The following DOT1L variants were observed in gnomAD, a reference collection of about 807,000 sequenced individuals.
DOT1L encodes DOT1 like histone lysine methyltransferase, also known as histone-lysine N-methyltransferase, H3 lysine-79 specific.
A neutral mutation model predicts 153.3 loss-of-function variants in DOT1L; 33 were observed. That is an observed-to-expected ratio of 0.22 (90% CI 0.16 to 0.29). The LOEUF is 0.29. Ranked by LOEUF, DOT1L falls within the 10% of genes least tolerant of loss-of-function variation. The pLI, the probability that DOT1L is intolerant of heterozygous loss-of-function variation, is 1.00. For missense variants in DOT1L, 1,847 were observed against 2,119.9 expected (o/e 0.87, Z 2.53); for synonymous variants, 1,135 against 965.1 (o/e 1.18, Z -3.26).
chr19:2,216,527 G>A lies in DOT1L; in HGVS notation c.2170G>A (p.Gly724Ser), dbSNP rs201821767. 73 of 1,611,950 alleles carry A rather than the reference G, an allele frequency of 4.5e-5. No homozygotes were observed. In the African/African-American group the frequency reaches 7.9e-4, roughly 17 times the overall value. Residue 724 changes from glycine to serine, a missense_variant, in exon 20 of 28, where the codon GGT becomes AGT. By Grantham distance (56) the Gly-to-Ser change is moderately conservative. Around this residue, in one of 8 missense-constraint regions of DOT1L, gnomAD observed 281 missense variants for 263.6 expected, o/e 1.07. Transcript: ENST00000398665. Reference protein sequence around the residue: ...NGQAAGYELCGVLSRPSSKQN... With the variant: ...NGQAAGYELCSVLSRPSSKQN... The stretch of plus-strand genomic sequence containing the variant: ...CCAGGCTGCTGGCTATGAGCTCTGC[G>A]GTGTGCTGAGCCGGCCTTCGTCGAA...
chr19:2,229,753 C>G (rs771350200), intron 27 of DOT1L, 32 bp from the exon 28 acceptor site: 1 of 1,612,850 alleles, frequency 6.2e-7, no homozygotes, highest in Non-Finnish European at 8.5e-7. Flanking sequence ...ATGGTAACCT[C>G]AGGCCGCTCT....
At chr19:2,210,891 C>T (rs1425091030) in intron 14 of DOT1L, 36 bp downstream of exon 14, 15 of 1,602,324 alleles carry the variant, frequency 9.4e-6, no homozygotes, top group East Asian at 4.5e-5. Context: ...CCGCTCTCCC[C>T]GAGTGCGGAT....
chr19:2,225,314 T>C (rs1267922268), intron 25 of DOT1L, 74 bp from the exon 26 acceptor site: 1 of 1,460,352 alleles, frequency 6.8e-7, no homozygotes, highest in Non-Finnish European at 9.6e-7. Context: ...CCCTGGGCTG[T>C]TGGCTGTCAG....
rs1277915907 is a variant in DOT1L, at chr19:2,226,227, G to A, written c.3706G>A (p.Val1236Ile). The change falls in exon 27 of 28, where the codon GTC (valine) becomes ATC (isoleucine). Residue 1236 changes from valine (V) to isoleucine (I), a missense_variant. Physicochemically the swap from Val to Ile is conservative, Grantham distance 29. Transcript: ENST00000398665. ...GRKPAPAGEP[V>I]NSSKWKSTFS... ...GAAGCCCGCGCCCGCCGGCGAGCCAGTCAATAGCAGCAAGTGGAAGTCCAC... is the reference window on the plus strand; with the variant it reads ...GAAGCCCGCGCCCGCCGGCGAGCCAATCAATAGCAGCAAGTGGAAGTCCAC... 81 of 1,546,224 alleles carry A rather than the reference G, an allele frequency of 5.2e-5. No homozygotes were observed. The highest frequency in any genetic ancestry group is 6.6e-5 in the Non-Finnish European group (75 of 1,144,592).
Position 2,220,008 on chromosome 19 carries a change from C to A in DOT1L, c.2692-100C>A. Reference sequence around the variant, plus strand: ...ACTGGACGGTGACCCCGGCGGCCTCCCCCAGCCAGCTGCAGGCCTCAACAC... The same window carrying A: ...ACTGGACGGTGACCCCGGCGGCCTCACCCAGCCAGCTGCAGGCCTCAACAC... On this transcript the variant is annotated intron_variant, in intron 22 of 27. Coordinates refer to ENST00000398665, the MANE Select transcript of DOT1L (RefSeq NM_032482.3). The surrounding 1 kb of genome is among the most constrained non-coding windows in gnomAD (Gnocchi z 4.5). 8.6e-7 allele frequency: 1 copy of A among 1,157,996 alleles called. No individual in the cohort carries two copies. The highest frequency in any genetic ancestry group is 1.2e-6 in the Non-Finnish European group (1 of 823,344). 71.7% of individuals were successfully genotyped at this position (1,157,996 alleles called of 1,614,324 possible).
intron 27 of DOT1L, chr19:2,227,550 C>T (rs1449101203): frequency 3.2e-6 from 2 of 628,726 alleles, no homozygotes; most frequent in East Asian, 7.9e-5. Flanking sequence ...GGGGCTGCTG[C>T]GGGGCGGGGG....
Position 2,226,167 on chromosome 19 carries a change from C to CTT in DOT1L, c.3662-14_3662-13dup. On this transcript the variant is annotated splice_polypyrimidine_tract_variant and intron_variant, in intron 26 of 27. Coordinates refer to ENST00000398665, the MANE Select transcript of DOT1L (RefSeq NM_032482.3). ...GGTGCTCTGGGCTCACGGCTTCTGC[C>CTT]TTTCCTCTTTGCCAGGTGGTGGCTT... The CTT allele has an allele frequency of 6.6e-7, 1 of 1,512,822 alleles. No individual in the cohort carries two copies. Among genetic ancestry groups the CTT allele is most frequent in the Middle Eastern group, 1.8e-4 (1 of 5,590 alleles). The allele number at this position is 1,512,822 out of a possible 1,614,324, so 93.7% of individuals were successfully genotyped here. A position where few individuals can be genotyped will look rare whatever the true frequency, so the allele number is the denominator to read the frequency against.
At chr19:2,189,367 G>A (rs1250883870) in intron 3 of DOT1L, among the ~76,000 whole-genome samples, 5 of 152,160 alleles carry the variant, frequency 3.3e-5, no homozygotes, top group East Asian at 3.9e-4. Flanking sequence ...CTCTAAGGCC[G>A]GCCCCAGGGT....
In DOT1L at chr19:2,220,753, T is replaced by C. The variant is rs1420553909; in HGVS notation, c.2806+531T>C. 2.9e-6 allele frequency: 1 copy of C among 350,606 alleles called. No homozygotes were observed. Among genetic ancestry groups the C allele is most frequent in the Admixed American group, 3.8e-5 (1 of 26,368 alleles). The allele number at this position is 350,606 out of a possible 1,614,324, so 21.7% of individuals were successfully genotyped here. A position where few individuals can be genotyped will look rare whatever the true frequency, so the allele number is the denominator to read the frequency against. On this transcript the variant is annotated intron_variant, in intron 23 of 27. Coordinates refer to ENST00000398665, the MANE Select transcript of DOT1L (RefSeq NM_032482.3). This position sits in a 1 kb window ranked among gnomAD's most constrained non-coding sequence, Gnocchi z 4.5. ...TGTTGTGGAAGCCGCAGAGACAGCA[T>C]GTCAGCGGGCATGGCTGTGTGCCAG...
Position 2,216,703 on chromosome 19 carries a change from G to A in DOT1L, c.2346G>A (p.Arg782=). 1 of 1,602,236 alleles carries A rather than the reference G, an allele frequency of 6.2e-7. No individual in the cohort carries two copies. The highest frequency in any genetic ancestry group is 2.2e-5 in the East Asian group (1 of 44,874). Residue 782 remains arginine, a synonymous_variant, in exon 20 of 28, where the codon AGG becomes AGA. Coordinates refer to ENST00000398665, the MANE Select transcript of DOT1L (RefSeq NM_032482.3). ...TRLSPAKIVL[R]RHLSQDHTVP... is the part of the protein sequence containing the mutation. Reference sequence around the variant, plus strand: ...TGTCCCCGGCCAAGATTGTGCTGAGGCGGCACCTGAGCCAGGACCACACGG... The same window carrying A: ...TGTCCCCGGCCAAGATTGTGCTGAGACGGCACCTGAGCCAGGACCACACGG...
chr19:2,220,497 C>T lies in DOT1L; in HGVS notation c.2806+275C>T. 3.6e-6 allele frequency: 2 copies of T among 562,600 alleles called. No homozygotes were observed. The highest frequency in any genetic ancestry group is 6.8e-6 in the Non-Finnish European group (2 of 295,300). 34.9% of individuals were successfully genotyped at this position (562,600 alleles called of 1,614,324 possible). ...TATTAATTCAGCCCGTGAGGTCGGCCCCAGTGCTCTCGGGGGCTCCTGTAC... is the reference window on the plus strand; with the variant it reads ...TATTAATTCAGCCCGTGAGGTCGGCTCCAGTGCTCTCGGGGGCTCCTGTAC... On this transcript the variant is annotated intron_variant, in intron 23 of 27. Transcript: ENST00000398665. The surrounding 1 kb of genome is among the most constrained non-coding windows in gnomAD (Gnocchi z 4.5).
At position 2,227,228 on chromosome 19, in the gene DOT1L, C is replaced by G. The variant is rs1344431460; in HGVS notation, c.4606+101C>G. ...GCACTCTCTTGCAGCAGGAGCTGAG[C>G]TGCAGGTCCCCTGGTGCCGGCCGGC... On this transcript the variant is annotated intron_variant, in intron 27 of 27. Coordinates refer to ENST00000398665, the MANE Select transcript of DOT1L (RefSeq NM_032482.3). 2.1e-6 allele frequency: 3 copies of G among 1,459,428 alleles called. No homozygotes were observed. The South Asian group carries it at 3.4e-5, about 17-fold the overall frequency. The allele number at this position is 1,459,428 out of a possible 1,614,324, so 90.4% of individuals were successfully genotyped here.
chr19:2,186,043 AT>A, intron 3 of DOT1L, 114 bp downstream of exon 3: 1 of 1,047,358 alleles, frequency 9.5e-7, no homozygotes, highest in Non-Finnish European at 1.4e-6. Flanking sequence ...CTGATCTGAA[AT>A]TTCCTTTTAG....
chr19:2,180,983 C>T (rs1489517858), intron 2 of DOT1L, among the ~76,000 whole-genome samples: 2 of 152,188 alleles, frequency 1.3e-5, no homozygotes, highest in Non-Finnish European at 2.9e-5. Flanking sequence ...CCAGTGGGTC[C>T]TCCAGGGGCG....
chr19:2,224,287 T>C (rs962528580), intron 25 of DOT1L, among the ~76,000 whole-genome samples: 4 of 152,072 alleles, frequency 2.6e-5, no homozygotes, highest in African/African-American at 9.7e-5. Flanking sequence ...TGGGCGGAGG[T>C]GCTGGGTGGC....
intron 1 of DOT1L, among the ~76,000 whole-genome samples, chr19:2,177,269 CCA>C (rs1335790505): frequency 1.3e-5 from 2 of 152,190 alleles, no homozygotes; most frequent in Non-Finnish European, 2.9e-5. Flanking sequence ...TGCACTCGCC[CCA>C]CACACGCAGT....
At position 2,202,775 on chromosome 19, in the gene DOT1L, G is replaced by A. The variant is rs755291289; in HGVS notation, c.783G>A (p.Lys261=). The change falls in exon 9 of 28, where the codon AAG becomes AAA. Residue 261 remains lysine (K), a synonymous_variant. Transcript: ENST00000398665. ...HQLKERFANM[K]EGGRIVSSKP... is the part of the protein sequence containing the mutation. ...TGAAGGAGCGGTTTGCAAACATGAA[G>A]GAAGGTAAGGCGCCCTCCTCGCCGG... The A allele has an allele frequency of 2.5e-6, 4 of 1,614,228 alleles. No individual in the cohort carries two copies. The Admixed American group carries it at 6.7e-5, about 27-fold the overall frequency.
intron 16 of DOT1L, 191 bp from the exon 17 acceptor site, chr19:2,213,348 C>T (rs1407040331): frequency 9.0e-6 from 5 of 554,466 alleles, no homozygotes; most frequent in Non-Finnish European, 1.6e-5. Flanking sequence ...TGCAGTGAAC[C>T]TGATGCAGAG....
At chr19:2,169,021 C>G (rs540870595) in intron 1 of DOT1L, among the ~76,000 whole-genome samples, 7 of 152,168 alleles carry the variant, frequency 4.6e-5, no homozygotes, top group Non-Finnish European at 1.0e-4. Flanking sequence ...GGCCACAGAA[C>G]GGGACCTTCC....
Sources: allele counts gnomAD v4.1 joint callset (sites outside exome capture counted in the v4.1 genomes callset), GRCh38; gene constraint gnomAD v4.1.1; regional missense constraint gnomAD v4.1.1; non-coding constraint Gnocchi (gnomAD v3.1); transcripts MANE v1.5; gene names NCBI Gene and HGNC (gene_info 2026-07-23, HGNC 2026-07-21).